The following ASCC2 variants were observed in gnomAD, a reference collection of about 807,000 sequenced individuals.
ASCC2 encodes the protein activating signal cointegrator 1 complex subunit 2, also known as ASC-1 complex subunit P100.
In ASCC2, 42 loss-of-function variants were observed where a neutral mutation model predicts 93.5. The ratio of observed to expected loss-of-function variants is 0.45; its 90% CI spans 0.35 to 0.58. The LOEUF is 0.58. Ranked by LOEUF, ASCC2 falls within the 20% of genes least tolerant of loss-of-function variation. The pLI is 0.00. For missense variants in ASCC2, 859 were observed against 977.6 expected (o/e 0.88, Z 1.62); for synonymous variants, 364 against 384.2 (o/e 0.95, Z 0.62).
intron 18 of ASCC2, among the ~76,000 whole-genome samples, chr22:29,791,054 C>T (rs1209507665): frequency 6.6e-6 from 1 of 152,112 alleles, no homozygotes; most frequent in Non-Finnish European, 1.5e-5. Context: ...GGACCACAGA[C>T]AGGCTTTGGT....
chr22:29,792,898 C>T (rs1389971134), intron 17 of ASCC2, among the ~76,000 whole-genome samples: 1 of 152,198 alleles, frequency 6.6e-6, no homozygotes, highest in Admixed American at 6.5e-5. Context: ...GTAATACCCA[C>T]ACTTTGGGAG....
At chr22:29,802,300 A>G (rs1315438443) in intron 13 of ASCC2, 92 bp from the exon 14 acceptor site, 1 of 1,306,930 alleles carries the variant, frequency 7.7e-7, no homozygotes, top group African/African-American at 1.5e-5. Context: ...GGCATCAGGG[A>G]TCTGGTTCAA....
intron 15 of ASCC2, among the ~76,000 whole-genome samples, chr22:29,798,183 G>C (rs537872833): frequency 6.6e-6 from 1 of 152,190 alleles, no homozygotes; most frequent in Non-Finnish European, 1.5e-5. Context: ...TGTAGCACAT[G>C]TATTGATGTC....
At position 29,830,738 on chromosome 22, in the gene ASCC2, T is replaced by G. The variant is rs140117893; in HGVS notation, c.81+1507A>C. On this transcript the variant is annotated intron_variant, in intron 2 of 19. Coordinates refer to ENST00000307790, the MANE Select transcript of ASCC2 (RefSeq NM_032204.5). ...GTGGGCTCTTCAAGGGCAGAGACCATGTCTTTTCTCTTTATAGCTCCAGCA... is the reference window on the plus strand; with the variant it reads ...GTGGGCTCTTCAAGGGCAGAGACCAGGTCTTTTCTCTTTATAGCTCCAGCA... 2.6e-4 allele frequency among the ~76,000 whole-genome samples: 39 copies of G among 152,370 alleles called. 1 individual carries two copies. The highest frequency in any genetic ancestry group is 9.1e-4 in the African/African-American group (38 of 41,590).
At chr22:29,832,446 T>G in intron 1 of ASCC2, 104 bp from the exon 2 acceptor site, 1 of 883,132 alleles carries the variant, frequency 1.1e-6, no homozygotes. Flanking sequence ...CTTCAACCTC[T>G]CGCCTTAGGA....
intron 2 of ASCC2, among the ~76,000 whole-genome samples, chr22:29,830,058 T>G (rs563084492): frequency 6.6e-6 from 1 of 152,268 alleles, no homozygotes; most frequent in East Asian, 1.9e-4. Context: ...GCAAGACCCC[T>G]CTTCGATCAG....
chr22:29,819,620 A>T (rs966735482), intron 5 of ASCC2, among the ~76,000 whole-genome samples: 8 of 152,126 alleles, frequency 5.3e-5, no homozygotes, highest in African/African-American at 1.9e-4. Context: ...AGGCAGTTCG[A>T]TTTCAAAGCC....
chr22:29,824,753 AC>A (rs1568945496), intron 4 of ASCC2, among the ~76,000 whole-genome samples: 1 of 152,022 alleles, frequency 6.6e-6, no homozygotes. Context: ...GAAAAAAAAA[AC>A]AGTAAAGATT....
rs974146673 is a variant in ASCC2 at position 29,802,212 on chromosome 22, T to C, written c.1354-4A>G. 2.5e-6 allele frequency: 4 copies of C among 1,613,510 alleles called. No individual in the cohort carries two copies. Among genetic ancestry groups the C allele is most frequent in the South Asian group, 1.1e-5 (1 of 91,070 alleles). ...CAGCCGCGGCTGCTCCCATGCACTG[T>C]AGTGAGAGCCAGAGCCAAGAAGGGG... On this transcript the variant is annotated splice_region_variant and splice_polypyrimidine_tract_variant and intron_variant, in intron 13 of 19. Transcript: ENST00000307790.
At chr22:29,809,343 AC>A (rs1318819746) in intron 8 of ASCC2, among the ~76,000 whole-genome samples, 1 of 152,108 alleles carries the variant, frequency 6.6e-6, no homozygotes, top group East Asian at 1.9e-4. Flanking sequence ...TGTTTCTATA[AC>A]TTTTTAGTTA....
intron 2 of ASCC2, chr22:29,826,106 T>C (rs1200644819): frequency 1.5e-5 from 3 of 204,892 alleles, no homozygotes; most frequent in Non-Finnish European, 3.0e-5. Context: ...TTATTTGTTA[T>C]GAAGAAAAAC....
In ASCC2 at chr22:29,838,200, C is replaced by G. The variant is rs1293577609; in HGVS notation, c.-40G>C. On this transcript the variant is annotated 5_prime_UTR_variant, in exon 1 of 20. Transcript: ENST00000307790. ...CACCTCGGCGGCTCCACCACCGGCT[C>G]TGTGCCGCCGCCGCCGCCGCCGCCG... 1 of 450,084 alleles carries G rather than the reference C, an allele frequency of 2.2e-6. No homozygotes were observed. Among genetic ancestry groups the G allele is most frequent in the Non-Finnish European group, 4.4e-6 (1 of 228,402 alleles). The allele number at this position is 450,084 out of a possible 1,614,324, so 27.9% of individuals were successfully genotyped here.
chr22:29,823,847 CAAAA>C (rs773869469), intron 4 of ASCC2, among the ~76,000 whole-genome samples: 2 of 81,084 alleles, frequency 2.5e-5, no homozygotes, highest in Admixed American at 1.3e-4. Flanking sequence ...AACTCCATCT[CAAAA>C]AAAAAAAAAA....
At chr22:29,804,943 T>C in intron 12 of ASCC2, 113 bp from the exon 13 acceptor site, 2 of 1,220,070 alleles carry the variant, frequency 1.6e-6, no homozygotes, top group East Asian at 2.3e-5. Context: ...CTTTCTGGGC[T>C]ATATCTAAGT....
At chr22:29,810,439 A>G (rs538882272) in intron 8 of ASCC2, among the ~76,000 whole-genome samples, 11 of 152,270 alleles carry the variant, frequency 7.2e-5, no homozygotes, top group Middle Eastern at 3.4e-3. Flanking sequence ...TCCTACTACA[A>G]TGCTATATGT....
chr22:29,826,597 C>G (rs1355338385), intron 2 of ASCC2, among the ~76,000 whole-genome samples: 2 of 152,096 alleles, frequency 1.3e-5, no homozygotes, highest in Non-Finnish European at 2.9e-5. Context: ...AGGTTTGAGC[C>G]ACCTCTCCTG....
intron 2 of ASCC2, among the ~76,000 whole-genome samples, chr22:29,827,990 T>C (rs2062673512): frequency 6.6e-6 from 1 of 151,186 alleles, no homozygotes; most frequent in African/African-American, 2.4e-5. Context: ...CCCCTGAGAT[T>C]CTACTTTCCC....
At chr22:29,815,278 C>T (rs2060705465) in intron 6 of ASCC2, 1 of 153,630 alleles carries the variant, frequency 6.5e-6, no homozygotes. Context: ...GCCTCGGTGA[C>T]AGAGCAGGAC....
At chr22:29,832,430 G>A in intron 1 of ASCC2, 88 bp from the exon 2 acceptor site, 1 of 1,061,076 alleles carries the variant, frequency 9.4e-7, no homozygotes, top group South Asian at 1.4e-5. Context: ...AGAGTCAGAA[G>A]AGAAGCTTCA....
Sources: gnomAD v4.1 joint callset for allele counts (sites outside exome capture counted in the v4.1 genomes callset) on GRCh38, gnomAD v4.1.1 for gene constraint, MANE v1.5 for transcripts, NCBI Gene and HGNC (gene_info 2026-07-23, HGNC 2026-07-21) for gene names.